Variants in RPL39L observed in about 807,000 individuals in gnomAD.
The protein encoded by RPL39L is ribosomal protein eL39-like 2.
For synonymous variants in RPL39L, 16 were observed against 20.1 expected, an observed-to-expected ratio of 0.80 and a Z score of 0.55; for missense variants, 48 against 58.9, an observed-to-expected ratio of 0.81 and a Z score of 0.61.
chr3:187,127,164 A>C (rs1720410591), intron 2 of RPL39L, among the ~76,000 whole-genome samples: 1 of 152,240 alleles, frequency 6.6e-6, no homozygotes, highest in South Asian at 2.1e-4. Context: ...AGACAATAGA[A>C]AGAGATCATT....
chr3:187,129,827 T>C (rs1312630410), intron 1 of RPL39L, among the ~76,000 whole-genome samples: 1 of 147,804 alleles, frequency 6.8e-6, no homozygotes, highest in African/African-American at 2.6e-5. Context: ...GTCACCACTA[T>C]ACCCTCCCCT....
intron 1 of RPL39L, among the ~76,000 whole-genome samples, chr3:187,137,198 CAAAAAAA>C (rs33967617): frequency 1.3e-4 from 5 of 37,626 alleles, no homozygotes; most frequent in South Asian, 1.3e-3. Flanking sequence ...CACTCTTCCT[CAAAAAAA>C]AAAAAAAAAA....
intron 1 of RPL39L, among the ~76,000 whole-genome samples, chr3:187,132,797 TC>T (rs772388040): frequency 6.6e-5 from 10 of 152,308 alleles, no homozygotes; most frequent in Middle Eastern, 3.4e-3. Flanking sequence ...AACTGGACTT[TC>T]CCAGTATGAG....
chr3:187,135,730 G>T (rs1480089605), intron 1 of RPL39L, among the ~76,000 whole-genome samples: 3 of 152,242 alleles, frequency 2.0e-5, no homozygotes, highest in Non-Finnish European at 4.4e-5. Context: ...AACCAAGTGT[G>T]TTGATCCATT....
chr3:187,136,050 C>T (rs1010476533), intron 1 of RPL39L, among the ~76,000 whole-genome samples: 6 of 152,224 alleles, frequency 3.9e-5, no homozygotes, highest in Non-Finnish European at 8.8e-5. Context: ...AAGCTAACAT[C>T]TTCCCTCATC....
intron 2 of RPL39L, among the ~76,000 whole-genome samples, chr3:187,126,219 T>C (rs1229682921): frequency 1.3e-5 from 2 of 151,592 alleles, no homozygotes; most frequent in Admixed American, 6.6e-5. Flanking sequence ...TGGAGTGCAA[T>C]GGCGCCATCT....
chr3:187,129,209 A>C (rs535078506), intron 1 of RPL39L, among the ~76,000 whole-genome samples: 1 of 152,200 alleles, frequency 6.6e-6, no homozygotes, highest in African/African-American at 2.4e-5. Context: ...GCTCAGGATA[A>C]AAGAGGTTTG....
intron 2 of RPL39L, among the ~76,000 whole-genome samples, chr3:187,121,967 C>T (rs1579409125): frequency 6.6e-6 from 1 of 152,126 alleles, no homozygotes; most frequent in Non-Finnish European, 1.5e-5. Flanking sequence ...TAGTACAGAA[C>T]AGGAAAACAT....
At chr3:187,132,614 T>G (rs1720505581) in intron 1 of RPL39L, among the ~76,000 whole-genome samples, 1 of 152,260 alleles carries the variant, frequency 6.6e-6, no homozygotes, top group South Asian at 2.1e-4. Context: ...GTTTATGGTT[T>G]CTCACTATCT....
At chr3:187,133,504 T>C (rs537863152) in intron 1 of RPL39L, among the ~76,000 whole-genome samples, 88 of 152,156 alleles carry the variant, frequency 5.8e-4, no homozygotes, top group Non-Finnish European at 8.1e-4. Context: ...CAGTCTTGGG[T>C]AGCTCTTTAT....
intron 1 of RPL39L, among the ~76,000 whole-genome samples, chr3:187,128,386 C>G (rs1460602141): frequency 2.0e-5 from 3 of 152,082 alleles, no homozygotes; most frequent in Non-Finnish European, 2.9e-5. Flanking sequence ...TAGATTCTTC[C>G]AAAAACTTCA....
intron 1 of RPL39L, among the ~76,000 whole-genome samples, chr3:187,137,838 GAAA>G (rs1324463064): frequency 6.7e-6 from 1 of 149,606 alleles, no homozygotes. Flanking sequence ...AAAAAAAAAG[GAAA>G]AAAAGAGACT....
intron 1 of RPL39L, among the ~76,000 whole-genome samples, chr3:187,137,929 C>A (rs1471582363): frequency 1.3e-5 from 2 of 152,094 alleles, no homozygotes; most frequent in Non-Finnish European, 2.9e-5. Context: ...TGAATAGCTA[C>A]ATGTGATTCA....
chr3:187,136,450 T>C (rs570575901), intron 1 of RPL39L, among the ~76,000 whole-genome samples: 2 of 152,152 alleles, frequency 1.3e-5, no homozygotes, highest in Non-Finnish European at 2.9e-5. Flanking sequence ...AGCAACTGAG[T>C]TGGTTCTAAT....
In RPL39L at chr3:187,121,925, T is replaced by A. The variant is rs868296087; in HGVS notation, c.-28-597A>T. 3.9e-5 allele frequency among the ~76,000 whole-genome samples: 6 copies of A among 152,342 alleles called. No individual in the cohort carries two copies. The South Asian group carries it at 1.2e-3, about 32-fold the overall frequency. On this transcript the variant is annotated intron_variant, in intron 2 of 2. Coordinates refer to ENST00000296277, the MANE Select transcript of RPL39L (RefSeq NM_052969.3). Reference sequence around the variant, plus strand: ...CAATAACCCTTTACATTTGGAGGTCTTAAATCTTTTCCAGTGTCCTGCTAT... The same window carrying A: ...CAATAACCCTTTACATTTGGAGGTCATAAATCTTTTCCAGTGTCCTGCTAT...
At chr3:187,135,068 C>A (rs74844010) in intron 1 of RPL39L, among the ~76,000 whole-genome samples, 7 of 152,176 alleles carry the variant, frequency 4.6e-5, no homozygotes, top group Admixed American at 6.5e-5. Context: ...AAGGCTTTTT[C>A]GCTTAAAGCT....
chr3:187,129,404 C>T (rs927977115), intron 1 of RPL39L, among the ~76,000 whole-genome samples: 1 of 152,162 alleles, frequency 6.6e-6, no homozygotes. Flanking sequence ...GGGATCACTT[C>T]GATTTAGAAA....
chr3:187,134,186 A>G (rs1004998764), intron 1 of RPL39L, among the ~76,000 whole-genome samples: 7 of 152,194 alleles, frequency 4.6e-5, no homozygotes, highest in African/African-American at 1.7e-4. Context: ...GGGGAATTTC[A>G]GCAGAGAAAA....
chr3:187,135,190 T>TCTA (rs1301130692), intron 1 of RPL39L, among the ~76,000 whole-genome samples: 1 of 152,154 alleles, frequency 6.6e-6, no homozygotes, highest in Non-Finnish European at 1.5e-5. Context: ...AGATCCAGCT[T>TCTA]CTAAGGCTTT....
Sources: gnomAD v4.1 joint callset for allele counts (sites outside exome capture counted in the v4.1 genomes callset) on GRCh38, gnomAD v4.1.1 for gene constraint, MANE v1.5 for transcripts, NCBI Gene and HGNC (gene_info 2026-07-23, HGNC 2026-07-21) for gene names.